KCNJ6: variants seen among roughly 807,000 people sequenced by gnomAD.
KCNJ6 encodes the protein potassium inwardly rectifying channel subfamily J member 6.
In KCNJ6, 9 loss-of-function variants were observed where a neutral mutation model predicts 34.2. The ratio of observed to expected loss-of-function variants is 0.26; its 90% CI spans 0.16 to 0.46. The LOEUF (loss-of-function observed/expected upper bound fraction) is 0.46. Ranked by LOEUF, KCNJ6 falls within the 20% of genes least tolerant of loss-of-function variation. KCNJ6 has a pLI of 1.00. For missense variants in KCNJ6, 236 were observed against 531.3 expected (o/e 0.44, Z 5.46); for synonymous variants, 196 against 207.1 (o/e 0.95, Z 0.46).
At chr21:37,798,833 T>C (rs1230819615) in intron 2 of KCNJ6, among the ~76,000 whole-genome samples, 2 of 152,230 alleles carry the variant, frequency 1.3e-5, no homozygotes, top group East Asian at 1.9e-4. Context: ...ATCTCGGTGA[T>C]AGTTACACAT....
intron 2 of KCNJ6, among the ~76,000 whole-genome samples, chr21:37,800,179 G>A (rs1310144477): frequency 1.3e-5 from 2 of 152,170 alleles, no homozygotes; most frequent in Non-Finnish European, 1.5e-5. Flanking sequence ...CTATTTCCCT[G>A]GAATGGAGAC....
At chr21:37,679,831 C>T (rs140435680) in intron 3 of KCNJ6, among the ~76,000 whole-genome samples, 4 of 152,282 alleles carry the variant, frequency 2.6e-5, no homozygotes, top group South Asian at 2.1e-4. Flanking sequence ...CACATACTGT[C>T]GCCTTTCTAG....
chr21:37,881,074 C>G (rs2055705233), intron 1 of KCNJ6, among the ~76,000 whole-genome samples: 1 of 152,108 alleles, frequency 6.6e-6, no homozygotes. Context: ...CGTGGAGAGT[C>G]TGGAGGCAGG....
At chr21:37,693,621 C>T (rs1181654783) in intron 3 of KCNJ6, among the ~76,000 whole-genome samples, 1 of 152,078 alleles carries the variant, frequency 6.6e-6, no homozygotes, top group South Asian at 2.1e-4. Context: ...GGGGATACAA[C>T]ATAGTGAAAA....
At chr21:37,668,316 C>T (rs1201484444) in intron 3 of KCNJ6, among the ~76,000 whole-genome samples, 2 of 152,106 alleles carry the variant, frequency 1.3e-5, no homozygotes, top group East Asian at 3.9e-4. Context: ...TAGGAGCTCC[C>T]CAGAACTGCC....
At position 37,622,348 on chromosome 21, in the gene KCNJ6, G is replaced by C. The variant is rs1035029159; in HGVS notation, c.*2811C>G. ...CGGAATAGAATGAGTGGAAATTGTG[G>C]GGTCAATTTTGTTGAGCTGTCTTAA... On this transcript the variant is annotated 3_prime_UTR_variant, in exon 4 of 4. Transcript: ENST00000609713. 9 of 152,102 alleles carry C rather than the reference G, an allele frequency of 5.9e-5. No individual in the cohort carries two copies. Among genetic ancestry groups the C allele is most frequent in the Admixed American group, 1.3e-4 (2 of 15,264 alleles). 9.4% of individuals were successfully genotyped at this position (152,102 alleles called of 1,614,324 possible).
chr21:37,662,216 C>T (rs1452511440), intron 3 of KCNJ6, among the ~76,000 whole-genome samples: 1 of 152,112 alleles, frequency 6.6e-6, no homozygotes, highest in Admixed American at 6.5e-5. Flanking sequence ...GTACTAAGCC[C>T]AGCAAGCATT....
At chr21:37,735,527 G>GT (rs1307812281) in intron 2 of KCNJ6, among the ~76,000 whole-genome samples, 5 of 152,334 alleles carry the variant, frequency 3.3e-5, no homozygotes, top group African/African-American at 1.2e-4. Context: ...TCTCAGCTTG[G>GT]TGAATGATGA....
intron 1 of KCNJ6, among the ~76,000 whole-genome samples, chr21:37,910,858 A>G (rs910171937): frequency 6.6e-6 from 1 of 152,252 alleles, no homozygotes; most frequent in Non-Finnish European, 1.5e-5. Flanking sequence ...GCCTTACTGC[A>G]TTCCATATAA....
At chr21:37,694,289 C>T (rs188367212) in intron 3 of KCNJ6, among the ~76,000 whole-genome samples, 469 of 152,356 alleles carry the variant, frequency 3.1e-3, no homozygotes, top group Non-Finnish European at 5.5e-3. Context: ...AGCCTCCCAT[C>T]ACCTTCACTC....
At chr21:37,637,778 G>T (rs2054364466) in intron 3 of KCNJ6, among the ~76,000 whole-genome samples, 1 of 152,158 alleles carries the variant, frequency 6.6e-6, no homozygotes, top group Non-Finnish European at 1.5e-5. Flanking sequence ...ATAAGAATGG[G>T]TATCCTTAAG....
intron 3 of KCNJ6, among the ~76,000 whole-genome samples, chr21:37,710,226 T>C (rs943318917): frequency 6.6e-6 from 1 of 152,226 alleles, no homozygotes; most frequent in African/African-American, 2.4e-5. Context: ...GAACACTTGG[T>C]AGATGTTGGA....
intron 2 of KCNJ6, among the ~76,000 whole-genome samples, chr21:37,749,538 A>G (rs2054984174): frequency 6.6e-6 from 1 of 152,200 alleles, no homozygotes. Flanking sequence ...ATTCTCTGCC[A>G]TGGAGACAAA....
chr21:37,801,143 C>T (rs879663339), intron 2 of KCNJ6, among the ~76,000 whole-genome samples: 1 of 152,174 alleles, frequency 6.6e-6, no homozygotes, highest in Non-Finnish European at 1.5e-5. Context: ...TTTTTGAACC[C>T]AACCCTTTGG....
intron 3 of KCNJ6, among the ~76,000 whole-genome samples, chr21:37,651,884 CCA>C (rs772881996): frequency 3.3e-5 from 5 of 152,214 alleles, no homozygotes; most frequent in Non-Finnish European, 7.3e-5. Context: ...TCAACTTCAA[CCA>C]CAGTCTCCAT....
At chr21:37,699,039 G>A (rs906926816) in intron 3 of KCNJ6, among the ~76,000 whole-genome samples, 14 of 152,110 alleles carry the variant, frequency 9.2e-5, no homozygotes, top group Admixed American at 2.6e-4. Flanking sequence ...AATCCAAAGT[G>A]AAGAATAATA....
intron 3 of KCNJ6, among the ~76,000 whole-genome samples, chr21:37,672,725 T>G (rs1226700178): frequency 6.6e-6 from 1 of 152,144 alleles, no homozygotes; most frequent in Non-Finnish European, 1.5e-5. Flanking sequence ...TTTTTCTCTC[T>G]TTCTCTTTTT....
At chr21:37,692,644 T>C (rs1013195954) in intron 3 of KCNJ6, among the ~76,000 whole-genome samples, 4 of 152,176 alleles carry the variant, frequency 2.6e-5, no homozygotes, top group African/African-American at 9.7e-5. Context: ...CTCTCTGAAA[T>C]AGAGTTTAGG....
chr21:37,704,648 G>A (rs2054709482), intron 3 of KCNJ6, among the ~76,000 whole-genome samples: 1 of 133,646 alleles, frequency 7.5e-6, no homozygotes, highest in South Asian at 2.4e-4. Context: ...GATGGCCTCA[G>A]TATGAGTCGT....
Sources: gnomAD v4.1 joint callset for allele counts (sites outside exome capture counted in the v4.1 genomes callset) on GRCh38, gnomAD v4.1.1 for gene constraint, MANE v1.5 for transcripts, NCBI Gene and HGNC (gene_info 2026-07-23, HGNC 2026-07-21) for gene names.